Variants in SH3KBP1 observed in about 807,000 individuals in gnomAD.
The protein encoded by SH3KBP1 is SH3 domain containing kinase binding protein 1.
A neutral mutation model predicts 50.1 loss-of-function variants in SH3KBP1; 8 were observed. The observed-to-expected ratio is 0.16, with a 90% CI of 0.09 to 0.29. The LOEUF (loss-of-function observed/expected upper bound fraction) is 0.29. Ranked by LOEUF, SH3KBP1 falls within the 10% of genes least tolerant of loss-of-function variation. SH3KBP1 has a pLI of 1.00. For missense variants in SH3KBP1, 377 were observed against 535.2 expected (o/e 0.70, Z 2.92); for synonymous variants, 227 against 218.6 (o/e 1.04, Z -0.34).
At chrX:19,751,476 T>G (rs983380778) in intron 2 of SH3KBP1, among the ~76,000 whole-genome samples, 2 of 111,691 alleles carry the variant, frequency 1.8e-5, no homozygotes, top group African/African-American at 6.5e-5. Context: ...CATACATAAC[T>G]GCCCACATAT....
intron 15 of SH3KBP1, among the ~76,000 whole-genome samples, chrX:19,544,243 T>C (rs1471670671): frequency 2.7e-5 from 3 of 111,345 alleles, no homozygotes; most frequent in Non-Finnish European, 5.6e-5. Flanking sequence ...TCCGCCAGCC[T>C]GTGCTTTATC....
chrX:19,634,031 GGTGTGTGTGTGTGTGTGTGTGTGTGT>G (rs60109180), intron 7 of SH3KBP1, among the ~76,000 whole-genome samples: 145 of 32,162 alleles, frequency 4.5e-3, no homozygotes, highest in Non-Finnish European at 7.0e-3. Flanking sequence ...TTTGTTCCCT[GGTGTGTGTGTGTGTGTGTGTGTGTGT>G]GTGTGTGTGT....
chrX:19,594,901 A>G (rs1229581086), intron 10 of SH3KBP1, 48 bp downstream of exon 10: 1 of 960,028 alleles, frequency 1.0e-6, no homozygotes, highest in African/African-American at 1.9e-5. Flanking sequence ...GAATATATGC[A>G]AAAAGAAAGA....
At chrX:19,837,976 A>C (rs2068104767) in intron 1 of SH3KBP1, among the ~76,000 whole-genome samples, 1 of 111,168 alleles carries the variant, frequency 9.0e-6, no homozygotes, top group Non-Finnish European at 1.9e-5. Context: ...AAAACTTTTT[A>C]TAAGAATGGA....
intron 1 of SH3KBP1, among the ~76,000 whole-genome samples, chrX:19,839,015 G>C (rs925196208): frequency 9.0e-6 from 1 of 110,907 alleles, no homozygotes; most frequent in Non-Finnish European, 1.9e-5. Context: ...CAGATCTTAC[G>C]GGGAGATGGC....
rs142403021 is a variant in SH3KBP1 at position 19,537,724 on chromosome X, C to T, written c.1949G>A (p.Arg650Gln). The change falls in exon 17 of 18, where the codon CGG (arginine) becomes CAG (glutamine). Residue 650 changes from arginine (R) to glutamine (Q), a missense_variant. By Grantham distance (43) the Arg-to-Gln change is conservative. Transcript: ENST00000397821. ...ELDEEKKIRL[R>Q]LQMEVNDIKK... ...GAACCCAAAGGGACGCACCTGCAAC[C>T]GAAGCCGGATTTTCTTCTCTTCATC... 6.2e-3 allele frequency: 7,535 copies of T among 1,208,947 alleles called. 26 individuals carry two copies. The highest frequency in any genetic ancestry group is 0.012 in the Middle Eastern group (53 of 4,350).
chrX:19,735,786 C>T (rs1201580651), intron 3 of SH3KBP1, among the ~76,000 whole-genome samples: 1 of 102,251 alleles, frequency 9.8e-6, no homozygotes, highest in Non-Finnish European at 2.0e-5. Context: ...TGCAGCGGCG[C>T]GATCTCGGCT....
intron 7 of SH3KBP1, among the ~76,000 whole-genome samples, chrX:19,632,163 T>G (rs2061594629): frequency 9.0e-6 from 1 of 111,512 alleles, no homozygotes; most frequent in African/African-American, 3.3e-5. Context: ...CTTCCACTTT[T>G]TTTCCCCTTA....
intron 4 of SH3KBP1, among the ~76,000 whole-genome samples, chrX:19,705,964 TC>T (rs1182232420): frequency 9.0e-6 from 1 of 111,558 alleles, no homozygotes; most frequent in Non-Finnish European, 1.9e-5. Flanking sequence ...ATCTTACAGA[TC>T]CCTTCATTAA....
At chrX:19,596,776 T>C (rs183572795) in intron 9 of SH3KBP1, among the ~76,000 whole-genome samples, 1 of 112,319 alleles carries the variant, frequency 8.9e-6, no homozygotes, top group Admixed American at 9.4e-5. Flanking sequence ...CGCTCATCCA[T>C]AAGAAGTAAC....
chrX:19,879,227 A>G (rs758946395), intron 1 of SH3KBP1, among the ~76,000 whole-genome samples: 30 of 112,720 alleles, frequency 2.7e-4, no homozygotes, highest in Non-Finnish European at 4.3e-4. Context: ...CCTGAGCAAC[A>G]GAGTGAGACC....
intron 5 of SH3KBP1, among the ~76,000 whole-genome samples, chrX:19,688,327 A>G (rs187353276): frequency 1.2e-3 from 139 of 111,761 alleles, no homozygotes; most frequent in African/African-American, 4.2e-3. Flanking sequence ...CCACATAAAC[A>G]TACGGGGTTT....
At chrX:19,716,928 A>G (rs1603094387) in intron 3 of SH3KBP1, among the ~76,000 whole-genome samples, 1 of 111,406 alleles carries the variant, frequency 9.0e-6, no homozygotes, top group East Asian at 2.8e-4. Context: ...AAAGATGAGG[A>G]CTTTATTTTG....
intron 2 of SH3KBP1, among the ~76,000 whole-genome samples, chrX:19,817,550 A>G (rs1221847279): frequency 8.9e-6 from 1 of 112,551 alleles, no homozygotes; most frequent in African/African-American, 3.2e-5. Flanking sequence ...TTTGTCAATA[A>G]TAGACAACAT....
At chrX:19,845,095 A>G (rs1656956089) in intron 1 of SH3KBP1, among the ~76,000 whole-genome samples, 1 of 110,679 alleles carries the variant, frequency 9.0e-6, no homozygotes, top group African/African-American at 3.3e-5. Context: ...TAGAATATCC[A>G]TTAGATAGAC....
intron 4 of SH3KBP1, among the ~76,000 whole-genome samples, chrX:19,702,896 G>A (rs2063561435): frequency 8.9e-6 from 1 of 112,277 alleles, no homozygotes; most frequent in African/African-American, 3.2e-5. Flanking sequence ...ATCAATCCAG[G>A]AATTCACAGC....
chrX:19,590,614 A>G (rs2066713642), intron 11 of SH3KBP1, among the ~76,000 whole-genome samples: 1 of 108,572 alleles, frequency 9.2e-6, no homozygotes, highest in Non-Finnish European at 1.9e-5. Flanking sequence ...CCATGAGGAC[A>G]GAGGGTGGTG....
intron 3 of SH3KBP1, among the ~76,000 whole-genome samples, chrX:19,727,420 T>G (rs2148750354): frequency 8.9e-6 from 1 of 112,704 alleles, no homozygotes; most frequent in South Asian, 3.6e-4. Flanking sequence ...ATAGTATTTG[T>G]CTGTTTGTGT....
intron 8 of SH3KBP1, among the ~76,000 whole-genome samples, chrX:19,613,144 G>A (rs2067482633): frequency 8.9e-6 from 1 of 112,291 alleles, no homozygotes; most frequent in East Asian, 2.8e-4. Context: ...CAAGGAAGAC[G>A]GTAGAAGTTG....
Sources: gnomAD v4.1 joint callset for allele counts (sites outside exome capture counted in the v4.1 genomes callset) on GRCh38, gnomAD v4.1.1 for gene constraint, MANE v1.5 for transcripts, NCBI Gene and HGNC (gene_info 2026-07-23, HGNC 2026-07-21) for gene names.